Variants in RLIG1 observed in about 807,000 individuals in gnomAD.
The protein encoded by RLIG1 is RNA 5'-phosphate and 3'-OH ligase 1.
chr12:88,036,779 A>G, the RLIG1 span, among the ~76,000 whole-genome samples: 1 of 151,520 alleles, frequency 6.6e-6, no homozygotes, highest in Non-Finnish European at 1.5e-5. Context: ...GATCATCACC[A>G]TGTTCTTTCC....
chr12:88,045,622 G>C, the RLIG1 span: 22 of 1,612,478 alleles, frequency 1.4e-5, no homozygotes, highest in Non-Finnish European at 1.5e-5. Context: ...AGTATTGCTG[G>C]CATTCCTCTG....
chr12:88,035,813 GCGAGGGCGGC>G, the RLIG1 span: 2 of 1,547,290 alleles, frequency 1.3e-6, no homozygotes, highest in East Asian at 4.9e-5. Context: ...TGCGAACCCG[GCGAGGGCGGC>G]TGGGCGCTTT....
the RLIG1 span, among the ~76,000 whole-genome samples, chr12:88,037,948 A>G: frequency 1.3e-5 from 2 of 152,196 alleles, no homozygotes; most frequent in Non-Finnish European, 2.9e-5. Flanking sequence ...TGACAGTAGA[A>G]AAACCATAAA....
the RLIG1 span, chr12:88,035,840 G>C: frequency 6.5e-7 from 1 of 1,534,882 alleles, no homozygotes; most frequent in Admixed American, 2.0e-5. Context: ...CTTTAGAACT[G>C]CCCTGCAGGC....
At chr12:88,045,555 CAAAT>C in the RLIG1 span, 2 of 1,539,720 alleles carry the variant, frequency 1.3e-6, no homozygotes, top group African/African-American at 2.8e-5. Context: ...GATCTAATAA[CAAAT>C]AATTTTCTTC....
chr12:88,040,388 CAAA>C, the RLIG1 span: 1 of 531,200 alleles, frequency 1.9e-6, no homozygotes. Context: ...AGTAGCAAAA[CAAA>C]AAGGTCACAA....
chr12:88,042,819 T>G, the RLIG1 span: 1 of 1,479,512 alleles, frequency 6.8e-7, no homozygotes, highest in Admixed American at 2.6e-5. Context: ...GTTATTACTT[T>G]TTTAGATCAG....
chr12:88,046,832 A>G, the RLIG1 span: 7 of 1,611,360 alleles, frequency 4.3e-6, no homozygotes, highest in African/African-American at 1.3e-5. Flanking sequence ...AACATCCATT[A>G]CATCTTCTTA....
the RLIG1 span, chr12:88,042,891 A>G: frequency 6.4e-7 from 1 of 1,570,438 alleles, no homozygotes; most frequent in South Asian, 1.2e-5. Context: ...AGATTTAAAA[A>G]TTTTCTACAT....
At chr12:88,040,127 T>TTC in the RLIG1 span, 3 of 1,410,758 alleles carry the variant, frequency 2.1e-6, no homozygotes, top group Non-Finnish European at 3.0e-6. Context: ...TAAACCGGTT[T>TTC]TCTCTCTCTC....
At chr12:88,047,882 G>T in the RLIG1 span, among the ~76,000 whole-genome samples, 1 of 152,036 alleles carries the variant, frequency 6.6e-6, no homozygotes, top group Non-Finnish European at 1.5e-5. Flanking sequence ...CTTTCAATTA[G>T]AATGCCTCCT....
chr12:88,049,172 T>A, the RLIG1 span: 2 of 1,502,104 alleles, frequency 1.3e-6, no homozygotes, highest in Non-Finnish European at 1.8e-6. Flanking sequence ...AAACAAAGTT[T>A]ATAGGTGACC....
the RLIG1 span, chr12:88,044,575 T>C: frequency 2.6e-5 from 4 of 152,164 alleles, no homozygotes; most frequent in Non-Finnish European, 4.4e-5. Flanking sequence ...AATAATAGTA[T>C]GATTTAAGAA....
chr12:88,037,792 T>C, the RLIG1 span, among the ~76,000 whole-genome samples: 1 of 152,190 alleles, frequency 6.6e-6, no homozygotes, highest in Non-Finnish European at 1.5e-5. Flanking sequence ...TACAGTGTTG[T>C]TTCACTTTGT....
chr12:88,044,046 T>TG, the RLIG1 span: 3 of 265,676 alleles, frequency 1.1e-5, no homozygotes, highest in Non-Finnish European at 2.1e-5. Flanking sequence ...CTGAGGTGGG[T>TG]GGATTGCTTG....
the RLIG1 span, among the ~76,000 whole-genome samples, chr12:88,047,470 A>G: frequency 6.6e-6 from 1 of 152,160 alleles, no homozygotes; most frequent in African/African-American, 2.4e-5. Flanking sequence ...CTGAGTCCAC[A>G]TAATTCACTG....
At chr12:88,048,624 A>G in the RLIG1 span, 12 of 379,124 alleles carry the variant, frequency 3.2e-5, no homozygotes, top group Non-Finnish European at 5.5e-5. Context: ...CCATAAAAAC[A>G]TAAGTAATAG....
At chr12:88,042,136 T>C in the RLIG1 span, 2 of 152,220 alleles carry the variant, frequency 1.3e-5, no homozygotes, top group Non-Finnish European at 2.9e-5. Flanking sequence ...ACACATTTTC[T>C]TAGATCAGGA....
the RLIG1 span, chr12:88,044,799 T>C: frequency 1.3e-5 from 2 of 152,260 alleles, no homozygotes; most frequent in Non-Finnish European, 2.9e-5. Flanking sequence ...GGAGAGGGCA[T>C]GGGGTATTTT....
Sources: gnomAD v4.1 joint callset for allele counts (sites outside exome capture counted in the v4.1 genomes callset) on GRCh38, gnomAD v4.1.1 for gene constraint, MANE v1.5 for transcripts, NCBI Gene and HGNC (gene_info 2026-07-23, HGNC 2026-07-21) for gene names.